PPARGC1A: variants seen among roughly 807,000 people sequenced by gnomAD.
PPARGC1A encodes the protein peroxisome proliferator-activated receptor gamma coactivator 1-alpha.
In PPARGC1A, 25 loss-of-function variants were observed where a neutral mutation model predicts 88.7. The observed-to-expected ratio is 0.28, with a 90% confidence interval of 0.21 to 0.39. The LOEUF (loss-of-function observed/expected upper bound fraction) is 0.39, where lower values mean the gene tolerates loss of function less well. PPARGC1A is among the 10% of genes least tolerant of loss of function. PPARGC1A has a pLI of 1.00. For missense variants in PPARGC1A, 880 were observed against 968.7 expected (o/e 0.91, Z 1.22); for synonymous variants, 363 against 355.6 (o/e 1.02, Z -0.24).
At chr4:24,231,914 G>C in the PPARGC1A span, among the ~76,000 whole-genome samples, 3 of 152,076 alleles carry the variant, frequency 2.0e-5, no homozygotes, top group Non-Finnish European at 4.4e-5. Flanking sequence ...TTCTAGCAAA[G>C]AAAATAGACT....
the PPARGC1A span, among the ~76,000 whole-genome samples, chr4:24,363,980 CT>C: frequency 6.6e-6 from 1 of 152,132 alleles, no homozygotes; most frequent in Non-Finnish European, 1.5e-5. Flanking sequence ...TACCGTGTTC[CT>C]TATGTAATCA....
the PPARGC1A span, among the ~76,000 whole-genome samples, chr4:24,004,932 T>C: frequency 6.6e-6 from 1 of 152,188 alleles, no homozygotes; most frequent in Non-Finnish European, 1.5e-5. Flanking sequence ...AGGCCCATTG[T>C]AGGTACGCAA....
chr4:24,113,737 T>G, the PPARGC1A span, among the ~76,000 whole-genome samples: 1 of 152,098 alleles, frequency 6.6e-6, no homozygotes, highest in Non-Finnish European at 1.5e-5. Flanking sequence ...CCTGTCTGCT[T>G]GTAACACTTA....
the PPARGC1A span, among the ~76,000 whole-genome samples, chr4:23,954,381 C>T: frequency 6.6e-6 from 1 of 151,954 alleles, no homozygotes; most frequent in Non-Finnish European, 1.5e-5. Context: ...TTTAGAGGCT[C>T]TCTGGACAAT....
At chr4:24,262,752 A>G in the PPARGC1A span, among the ~76,000 whole-genome samples, 2 of 152,270 alleles carry the variant, frequency 1.3e-5, no homozygotes, top group Non-Finnish European at 2.9e-5. Flanking sequence ...TTAGTGGATG[A>G]AAGGATAGCT....
the PPARGC1A span, among the ~76,000 whole-genome samples, chr4:23,992,641 C>T: frequency 3.4e-5 from 5 of 145,778 alleles, no homozygotes; most frequent in Non-Finnish European, 6.0e-5. Flanking sequence ...GTTAATCGTA[C>T]CTTTTGACAA....
At chr4:24,384,652 T>C in the PPARGC1A span, among the ~76,000 whole-genome samples, 2 of 150,474 alleles carry the variant, frequency 1.3e-5, no homozygotes, top group Non-Finnish European at 3.0e-5. Flanking sequence ...AAGAAGAGCA[T>C]TACATAATGG....
chr4:24,188,317 C>A, the PPARGC1A span, among the ~76,000 whole-genome samples: 1 of 152,032 alleles, frequency 6.6e-6, no homozygotes, highest in Non-Finnish European at 1.5e-5. Context: ...GGAAGCCTTC[C>A]CTGTTCCCAT....
At chr4:24,459,745 T>G in the PPARGC1A span, among the ~76,000 whole-genome samples, 2 of 152,190 alleles carry the variant, frequency 1.3e-5, no homozygotes, top group Non-Finnish European at 2.9e-5. Context: ...TAGCCAAGAT[T>G]GCGCCGCTGA....
At chr4:23,836,872 C>A (rs1726114085) in intron 2 of PPARGC1A, among the ~76,000 whole-genome samples, 1 of 152,098 alleles carries the variant, frequency 6.6e-6, no homozygotes, top group Non-Finnish European at 1.5e-5. Flanking sequence ...TCAATAAATC[C>A]ACTAAATTAA....
the PPARGC1A span, among the ~76,000 whole-genome samples, chr4:24,197,094 T>C: frequency 6.6e-6 from 1 of 152,156 alleles, no homozygotes; most frequent in African/African-American, 2.4e-5. Context: ...ATTGTTCTTG[T>C]TTTAAACCTT....
At chr4:24,186,872 C>A in the PPARGC1A span, among the ~76,000 whole-genome samples, 8 of 152,114 alleles carry the variant, frequency 5.3e-5, no homozygotes, top group Non-Finnish European at 1.0e-4. Context: ...AAACTGTATA[C>A]CTCCTGGAAC....
In PPARGC1A at chr4:23,839,191, A is replaced by C. The variant is rs370907228; in HGVS notation, c.235-7440T>G. 4.6e-5 allele frequency among the ~76,000 whole-genome samples: 7 copies of C among 152,322 alleles called. No individual in the cohort carries two copies. In the South Asian group the frequency reaches 1.2e-3, roughly 27 times the overall value. ...TGCTTCTATCACACATTCATGAGTT[A>C]ATAAATATGTACTGTACACGTGAAA... On this transcript the variant is annotated intron_variant, in intron 2 of 12. Transcript: ENST00000264867.
chr4:23,991,809 A>T, the PPARGC1A span, among the ~76,000 whole-genome samples: 1 of 152,088 alleles, frequency 6.6e-6, no homozygotes, highest in Non-Finnish European at 1.5e-5. Context: ...TGTTTCAACA[A>T]CTAGAATGAA....
chr4:23,893,283 C>T (rs542775669), upstream of PPARGC1A, among the ~76,000 whole-genome samples: 1 of 152,184 alleles, frequency 6.6e-6, no homozygotes, highest in South Asian at 2.1e-4. Context: ...AAATTAAAGG[C>T]TTTTCCCATC....
chr4:23,823,923 T>C (rs58986694), intron 7 of PPARGC1A, among the ~76,000 whole-genome samples: 3,739 of 152,198 alleles, frequency 0.025, 75 homozygotes, highest in Non-Finnish European at 0.04. Flanking sequence ...CCTTTAACCT[T>C]ATCAGCAATG....
intron 1 of PPARGC1A, among the ~76,000 whole-genome samples, chr4:23,896,946 A>T (rs1403163495): frequency 6.6e-6 from 1 of 152,160 alleles, no homozygotes. Context: ...GTGACATACA[A>T]GTAAATTTCT....
chr4:24,119,226 C>T, the PPARGC1A span, among the ~76,000 whole-genome samples: 1 of 152,102 alleles, frequency 6.6e-6, no homozygotes, highest in Non-Finnish European at 1.5e-5. Context: ...CGAAATGCTG[C>T]CCCCACCTTT....
At chr4:24,101,052 T>C in the PPARGC1A span, among the ~76,000 whole-genome samples, 2 of 152,228 alleles carry the variant, frequency 1.3e-5, no homozygotes, top group Non-Finnish European at 2.9e-5. Flanking sequence ...TTACTTTTGA[T>C]AGGGTTTGGA....
Sources: gnomAD v4.1 joint callset for allele counts (sites outside exome capture counted in the v4.1 genomes callset) on GRCh38, gnomAD v4.1.1 for gene constraint, MANE v1.5 for transcripts, NCBI Gene and HGNC (gene_info 2026-07-23, HGNC 2026-07-21) for gene names.